Variants in MARCHF1 observed in about 807,000 individuals in gnomAD.
MARCHF1 encodes E3 ubiquitin-protein ligase MARCHF1.
In MARCHF1, 40 loss-of-function variants were observed where a neutral mutation model predicts 54.2. The ratio of observed to expected loss-of-function variants is 0.74; its 90% CI spans 0.57 to 0.96. The LOEUF is 0.96. Among genes scored for constraint, MARCHF1 ranks in the 40% least tolerant of loss-of-function variants. MARCHF1 has a pLI of 0.00. For missense variants in MARCHF1, 586 were observed against 656.5 expected (o/e 0.89, Z 1.17); for synonymous variants, 236 against 236.3 (o/e 1.00, Z 0.01).
chr4:164,245,713 C>G (rs370993246), intron 1 of MARCHF1, among the ~76,000 whole-genome samples: 2 of 150,712 alleles, frequency 1.3e-5, no homozygotes, highest in Non-Finnish European at 3.0e-5. Context: ...ATCGTCTCAG[C>G]CCAAAATCTC....
chr4:163,651,571 T>C (rs1247312910), intron 5 of MARCHF1, among the ~76,000 whole-genome samples: 1 of 151,430 alleles, frequency 6.6e-6, no homozygotes, highest in Non-Finnish European at 1.5e-5. Flanking sequence ...TTATTCTTTT[T>C]TTAAAAGTGG....
intron 1 of MARCHF1, among the ~76,000 whole-genome samples, chr4:164,273,054 A>ATT (rs1191038225): frequency 1.4e-5 from 2 of 146,382 alleles, no homozygotes; most frequent in South Asian, 2.1e-4. Context: ...TAGTAAGATA[A>ATT]TTTTTTTTTT....
intron 5 of MARCHF1, among the ~76,000 whole-genome samples, chr4:163,615,971 G>A (rs948647148): frequency 1.5e-4 from 23 of 152,118 alleles, no homozygotes; most frequent in African/African-American, 5.3e-4. Flanking sequence ...AACTTACATT[G>A]GAAAAAGGAC....
At chr4:164,339,561 C>T (rs1441858411) in intron 1 of MARCHF1, among the ~76,000 whole-genome samples, 1 of 152,038 alleles carries the variant, frequency 6.6e-6, no homozygotes, top group Admixed American at 6.6e-5. Context: ...TTATGAGATA[C>T]AGCAAAAGCA....
Position 163,525,677 on chromosome 4 carries a change from A to T in MARCHF1, c.*3071T>A, listed in dbSNP as rs913975510. 2.6e-5 allele frequency: 4 copies of T among 152,148 alleles called. No individual in the cohort carries two copies. 9.4% of individuals were successfully genotyped at this position (152,148 alleles called of 1,614,324 possible). ...ATTATAAAGAGCCAAGGTTTTTAACACAACTGTAATTTCATTCTTCAATTT... is the reference window on the plus strand; with the variant it reads ...ATTATAAAGAGCCAAGGTTTTTAACTCAACTGTAATTTCATTCTTCAATTT... On this transcript the variant is annotated 3_prime_UTR_variant, in exon 10 of 10. Coordinates refer to ENST00000514618, the MANE Select transcript of MARCHF1 (RefSeq NM_001394959.1).
At chr4:163,863,248 C>CGGTG (rs1355365327) in intron 3 of MARCHF1, among the ~76,000 whole-genome samples, 1 of 152,040 alleles carries the variant, frequency 6.6e-6, no homozygotes, top group East Asian at 1.9e-4. Context: ...ATAGAACCAC[C>CGGTG]TCACTGAAGA....
At chr4:164,158,547 A>C (rs893918714) in intron 1 of MARCHF1, among the ~76,000 whole-genome samples, 1 of 152,160 alleles carries the variant, frequency 6.6e-6, no homozygotes, top group African/African-American at 2.4e-5. Context: ...AGGCTAAGAC[A>C]GGCAAATCAC....
intron 4 of MARCHF1, among the ~76,000 whole-genome samples, chr4:163,743,516 T>C (rs17577453): frequency 0.31 from 46,773 of 151,940 alleles, 8,913 homozygotes; most frequent in Non-Finnish European, 0.44. Context: ...CACACCTAAT[T>C]CGCTTCTCTG....
At chr4:163,885,535 A>C (rs959284998) in intron 3 of MARCHF1, among the ~76,000 whole-genome samples, 1 of 152,162 alleles carries the variant, frequency 6.6e-6, no homozygotes, top group African/African-American at 2.4e-5. Context: ...CAAAATTCTC[A>C]AAATTACTAT....
Position 164,313,951 on chromosome 4 carries a change from C to T in MARCHF1, c.-323+69919G>A, listed in dbSNP as rs189496235. Among the ~76,000 whole-genome samples the T allele has an allele frequency of 1.5e-3, 227 of 152,326 alleles. 5 individuals are homozygous for T. The highest frequency in any genetic ancestry group is 0.015 in the Admixed American group (226 of 15,296). ...ATCTGCCTAAAAGAAAACAGTCTCC[C>T]AGCTTCAGCTGCATCTCTTTTACTC... On this transcript the variant is annotated intron_variant, in intron 1 of 9. Coordinates refer to ENST00000514618, the MANE Select transcript of MARCHF1 (RefSeq NM_001394959.1).
Sources: gnomAD v4.1 joint callset for allele counts (sites outside exome capture counted in the v4.1 genomes callset) on GRCh38, gnomAD v4.1.1 for gene constraint, MANE v1.5 for transcripts, NCBI Gene and HGNC (gene_info 2026-07-23, HGNC 2026-07-21) for gene names.